SLC71A2: variants seen among roughly 807,000 people sequenced by gnomAD.
SLC71A2 encodes the protein hippocampus abundant transcript-like 1.
chr9:94,380,228 G>A, the SLC71A2 span, among the ~76,000 whole-genome samples: 1 of 151,944 alleles, frequency 6.6e-6, no homozygotes, highest in African/African-American at 2.4e-5. Flanking sequence ...CAGAGATCGT[G>A]CCACTGCACT....
At chr9:94,394,557 C>G in the SLC71A2 span, among the ~76,000 whole-genome samples, 2 of 72,556 alleles carry the variant, frequency 2.8e-5, no homozygotes, top group Admixed American at 2.9e-4. Context: ...AAGTGTTCCT[C>G]TCACCTCAGC....
At chr9:94,386,441 T>G in the SLC71A2 span, among the ~76,000 whole-genome samples, 1 of 151,162 alleles carries the variant, frequency 6.6e-6, no homozygotes, top group Non-Finnish European at 1.5e-5. Flanking sequence ...GGTGGAAACA[T>G]GCATAGGCTC....
At chr9:94,392,232 C>G in the SLC71A2 span, among the ~76,000 whole-genome samples, 1 of 150,790 alleles carries the variant, frequency 6.6e-6, no homozygotes, top group East Asian at 1.9e-4. Context: ...GCTGACATTT[C>G]TGATATTTTG....
the SLC71A2 span, among the ~76,000 whole-genome samples, chr9:94,413,563 G>A: frequency 1.9e-3 from 283 of 149,322 alleles, no homozygotes; most frequent in Middle Eastern, 6.8e-3. Flanking sequence ...AATGTGGGCC[G>A]GGTATGGGGG....
the SLC71A2 span, chr9:94,459,038 C>A: frequency 9.3e-7 from 1 of 1,070,990 alleles, no homozygotes; most frequent in Non-Finnish European, 1.4e-6. Flanking sequence ...TTTAATGAAA[C>A]ATTTGCTTAT....
the SLC71A2 span, among the ~76,000 whole-genome samples, chr9:94,423,290 C>T: frequency 0.51 from 75,222 of 146,296 alleles, 19,540 homozygotes; most frequent in Admixed American, 0.61. Context: ...TCAGGGTAGG[C>T]AGGAAAGTAT....
At chr9:94,435,842 C>G in the SLC71A2 span, among the ~76,000 whole-genome samples, 1 of 151,864 alleles carries the variant, frequency 6.6e-6, no homozygotes, top group African/African-American at 2.4e-5. Flanking sequence ...TTAGTAGAGA[C>G]GGGGTTTCAC....
At chr9:94,397,908 C>T in the SLC71A2 span, among the ~76,000 whole-genome samples, 1 of 152,162 alleles carries the variant, frequency 6.6e-6, no homozygotes, top group Non-Finnish European at 1.5e-5. Flanking sequence ...TCAGATTTCT[C>T]CACTGTAAAG....
chr9:94,417,849 TCCCACCCC>T, the SLC71A2 span, among the ~76,000 whole-genome samples: 1 of 51,630 alleles, frequency 1.9e-5, no homozygotes, highest in Non-Finnish European at 4.4e-5. Context: ...ATAGGCAAGT[TCCCACCCC>T]ACCCCCCCCC....
At chr9:94,429,975 C>T in the SLC71A2 span, among the ~76,000 whole-genome samples, 3 of 144,330 alleles carry the variant, frequency 2.1e-5, no homozygotes, top group Non-Finnish European at 4.5e-5. Flanking sequence ...GGTGAGATCT[C>T]GGCTCACTGC....
chr9:94,457,759 G>T, the SLC71A2 span, among the ~76,000 whole-genome samples: 23,060 of 152,246 alleles, frequency 0.15, 2,417 homozygotes, highest in Non-Finnish European at 0.22. Context: ...GGAACACATT[G>T]TATTAGGCTG....
the SLC71A2 span, among the ~76,000 whole-genome samples, chr9:94,455,095 G>A: frequency 2.0e-5 from 3 of 150,774 alleles, no homozygotes; most frequent in African/African-American, 7.3e-5. Flanking sequence ...GTTTAGTTTG[G>A]GGAGTAAGTA....
At chr9:94,426,629 A>G in the SLC71A2 span, among the ~76,000 whole-genome samples, 1 of 152,146 alleles carries the variant, frequency 6.6e-6, no homozygotes, top group African/African-American at 2.4e-5. Flanking sequence ...TTACATGTAG[A>G]TATTTCTAAG....
chr9:94,412,405 C>T, the SLC71A2 span, among the ~76,000 whole-genome samples: 1 of 152,172 alleles, frequency 6.6e-6, no homozygotes, highest in Non-Finnish European at 1.5e-5. Flanking sequence ...GGCCCTGCAA[C>T]TTCACTTCTA....
At chr9:94,405,509 A>AT in the SLC71A2 span, among the ~76,000 whole-genome samples, 2 of 151,418 alleles carry the variant, frequency 1.3e-5, no homozygotes, top group South Asian at 4.2e-4. Flanking sequence ...AAAAAAAAAA[A>AT]AAAAAAAAAG....
chr9:94,442,687 C>CA, the SLC71A2 span, among the ~76,000 whole-genome samples: 2 of 108,878 alleles, frequency 1.8e-5, no homozygotes, highest in Admixed American at 2.2e-4. Flanking sequence ...CCCGTCTCTA[C>CA]TAAAATACAA....
chr9:94,410,735 A>G, the SLC71A2 span, among the ~76,000 whole-genome samples: 1 of 152,196 alleles, frequency 6.6e-6, no homozygotes, highest in Non-Finnish European at 1.5e-5. Flanking sequence ...AAAATTAAAT[A>G]ACCATTAAAA....
chr9:94,387,380 C>A, the SLC71A2 span, among the ~76,000 whole-genome samples: 2 of 151,962 alleles, frequency 1.3e-5, no homozygotes, highest in Non-Finnish European at 2.9e-5. Context: ...GTTTTCCCGC[C>A]TTTTAAATTT....
At chr9:94,412,861 A>AT in the SLC71A2 span, among the ~76,000 whole-genome samples, 1 of 125,930 alleles carries the variant, frequency 7.9e-6, no homozygotes, top group Non-Finnish European at 1.6e-5. Context: ...ATGTCTCCTA[A>AT]TAGGTGTAGG....
Sources: gnomAD v4.1 joint callset for allele counts (sites outside exome capture counted in the v4.1 genomes callset) on GRCh38, gnomAD v4.1.1 for gene constraint, MANE v1.5 for transcripts, NCBI Gene and HGNC (gene_info 2026-07-23, HGNC 2026-07-21) for gene names.